DAB2IP: variants seen among roughly 807,000 people sequenced by gnomAD.
The protein encoded by DAB2IP is disabled homolog 2-interacting protein.
Under a neutral mutation model 107.2 loss-of-function variants are expected in DAB2IP, and 28 were observed. That is an observed-to-expected ratio of 0.26 (90% confidence interval 0.19 to 0.36). The LOEUF (loss-of-function observed/expected upper bound fraction) is 0.36. Among genes scored for constraint, DAB2IP ranks in the 10% least tolerant of loss-of-function variants. The pLI, the probability that DAB2IP is intolerant of heterozygous loss-of-function variation, is 1.00. For missense variants in DAB2IP, 1,400 were observed against 1,644.7 expected (o/e 0.85, Z 2.57); for synonymous variants, 755 against 706.4 (o/e 1.07, Z -1.09).
At chr9:121,745,102 A>G (rs1195929564) in intron 3 of DAB2IP, among the ~76,000 whole-genome samples, 1 of 152,072 alleles carries the variant, frequency 6.6e-6, no homozygotes, top group East Asian at 1.9e-4. Flanking sequence ...AATGTGGGGG[A>G]AAAGGGCAGA....
rs918480158 is a variant in DAB2IP at position 121,651,674 on chromosome 9, G to A, written c.-102G>A. 9.1e-7 allele frequency: 1 copy of A among 1,104,872 alleles called. No individual in the cohort carries two copies. Among genetic ancestry groups the A allele is most frequent in the Non-Finnish European group, 1.1e-6 (1 of 908,128 alleles). 68.4% of individuals were successfully genotyped at this position (1,104,872 alleles called of 1,614,324 possible). ...CCAGGGCCTCGGCGGCCGCTCGGGC[G>A]AGCGCGGGAGAACGCGTGGGCGCCC... On this transcript the variant is annotated 5_prime_UTR_variant, in exon 1 of 16. Transcript: ENST00000408936. This position sits in a 1 kb window ranked among gnomAD's most constrained non-coding sequence, Gnocchi z 5.1.
At chr9:121,614,742 T>C (rs979669139) in intron 1 of DAB2IP, among the ~76,000 whole-genome samples, 4 of 150,856 alleles carry the variant, frequency 2.7e-5, no homozygotes, top group South Asian at 2.1e-4. Context: ...TCTTTCTTTT[T>C]TTTTTTTTTG....
chr9:121,703,149 G>A (rs760632290), intron 3 of DAB2IP, among the ~76,000 whole-genome samples: 15 of 152,238 alleles, frequency 9.9e-5, no homozygotes, highest in Non-Finnish European at 2.1e-4. Flanking sequence ...GGATGTTGGG[G>A]ATGGCAGCTT....
intron 1 of DAB2IP, among the ~76,000 whole-genome samples, chr9:121,659,998 G>A (rs1053309111): frequency 6.6e-5 from 10 of 151,842 alleles, no homozygotes; most frequent in Non-Finnish European, 1.3e-4. Context: ...GCCAGCCCCC[G>A]CCCTCGGGAG....
intron 3 of DAB2IP, chr9:121,737,237 C>G: frequency 1.0e-6 from 1 of 985,344 alleles, no homozygotes; most frequent in Non-Finnish European, 1.2e-6. Context: ...TGGCTGGAAG[C>G]GATAGTTTGC....
chr9:121,588,588 AGG>A (rs148108224), intron 1 of DAB2IP, among the ~76,000 whole-genome samples: 3 of 22,728 alleles, frequency 1.3e-4, no homozygotes, highest in Admixed American at 5.7e-4. Flanking sequence ...GGGGAAGGGA[AGG>A]GGGAAGGGGG....
rs1359280544 is a variant in DAB2IP at position 121,662,313 on chromosome 9, G to GGA, written c.124+10415_124+10416dup. On this transcript the variant is annotated intron_variant, in intron 1 of 15. Coordinates refer to ENST00000408936, the Ensembl canonical transcript of DAB2IP. This position sits in a 1 kb window ranked among gnomAD's most constrained non-coding sequence, Gnocchi z 4.6. ...AATGATTCAGGTCCAGAAGGAGTCAGGACAGTGTGGTCTACTGGCCAAACC... is the reference window on the plus strand; with the variant it reads ...AATGATTCAGGTCCAGAAGGAGTCAGGAGACAGTGTGGTCTACTGGCCAAACC... 6.6e-6 allele frequency among the ~76,000 whole-genome samples: 1 copy of GGA among 152,196 alleles called. No individual in the cohort carries two copies. Among genetic ancestry groups the GGA allele is most frequent in the Non-Finnish European group, 1.5e-5 (1 of 68,042 alleles).
At chr9:121,759,658 T>C (rs1202525380) in intron 5 of DAB2IP, among the ~76,000 whole-genome samples, 2 of 152,126 alleles carry the variant, frequency 1.3e-5, no homozygotes, top group African/African-American at 2.4e-5. Context: ...AACCCAAGGC[T>C]CCAGTTAAGT....
chr9:121,726,365 C>T (rs1364123343), intron 3 of DAB2IP, among the ~76,000 whole-genome samples: 2 of 152,242 alleles, frequency 1.3e-5, no homozygotes, highest in African/African-American at 4.8e-5. Flanking sequence ...CCCTATGCAT[C>T]TTTTCATTGG....
intron 1 of DAB2IP, among the ~76,000 whole-genome samples, chr9:121,587,616 A>C (rs112387916): frequency 7.1e-6 from 1 of 140,146 alleles, no homozygotes; most frequent in Admixed American, 6.9e-5. Context: ...CTCGAAAAGA[A>C]AAAAAAAAAA....
At chr9:121,710,520 C>A (rs910320173) in intron 3 of DAB2IP, among the ~76,000 whole-genome samples, 8 of 152,162 alleles carry the variant, frequency 5.3e-5, no homozygotes, top group Non-Finnish European at 8.8e-5. Flanking sequence ...GGCTCCCACA[C>A]CTCTTTTCAC....
chr9:121,753,624 C>G (rs975654258), intron 3 of DAB2IP, among the ~76,000 whole-genome samples: 2 of 152,278 alleles, frequency 1.3e-5, no homozygotes, highest in Admixed American at 6.5e-5. Context: ...CTCCCTGAGC[C>G]TGTCATACCT....
At chr9:121,625,489 G>A (rs879284256) in intron 1 of DAB2IP, among the ~76,000 whole-genome samples, 3 of 151,774 alleles carry the variant, frequency 2.0e-5, no homozygotes, top group African/African-American at 4.8e-5. Flanking sequence ...CTCAAACTTC[G>A]GACCTCAGGT....
chr9:121,629,215 A>G (rs775897519), intron 1 of DAB2IP, among the ~76,000 whole-genome samples: 6 of 152,198 alleles, frequency 3.9e-5, no homozygotes, highest in African/African-American at 7.2e-5. Flanking sequence ...ACCTGCAAAA[A>G]GCAGTCCCTC....
exon 12 of DAB2IP, chr9:121,773,164 C>G: frequency 6.2e-7 from 1 of 1,605,888 alleles, no homozygotes; most frequent in Non-Finnish European, 8.5e-7. Flanking sequence ...AGCACTGCCG[C>G]GGAGGAGCTG....
rs935964823 is a variant in DAB2IP at position 121,783,171 on chromosome 9, C to A, written c.*673C>A. 4 of 1,098,904 alleles carry A rather than the reference C, an allele frequency of 3.6e-6. No homozygotes were observed. The African/African-American group carries it at 6.4e-5, about 18-fold the overall frequency. 68.1% of individuals were successfully genotyped at this position (1,098,904 alleles called of 1,614,324 possible). A position where few individuals can be genotyped will look rare whatever the true frequency, so the allele number is the denominator to read the frequency against. The stretch of plus-strand genomic sequence containing the variant: ...CTGTCCCCAGAGCACCACCTGCTAC[C>A]TTCTTCCCTGCCTTAGTTGTATTGC... On this transcript the variant is annotated 3_prime_UTR_variant, in exon 16 of 16. Coordinates refer to ENST00000408936, the Ensembl canonical transcript of DAB2IP.
chr9:121,712,830 C>T (rs1043776181), intron 3 of DAB2IP, among the ~76,000 whole-genome samples: 1 of 152,172 alleles, frequency 6.6e-6, no homozygotes, highest in African/African-American at 2.4e-5. Flanking sequence ...TCCAGTGAAC[C>T]AAGTCAGTCA....
chr9:121,750,002 C>T (rs914523011), intron 3 of DAB2IP, among the ~76,000 whole-genome samples: 3 of 152,020 alleles, frequency 2.0e-5, no homozygotes, highest in Non-Finnish European at 2.9e-5. Flanking sequence ...ATGAGGTGGG[C>T]GAATGGAACA....
intron 8 of DAB2IP, among the ~76,000 whole-genome samples, chr9:121,765,955 G>C (rs987387232): frequency 6.3e-4 from 95 of 151,928 alleles, no homozygotes; most frequent in African/African-American, 2.3e-3. Context: ...ATCTTTCTGA[G>C]CTTTTAGGAA....
Sources: gnomAD v4.1 joint callset for allele counts (sites outside exome capture counted in the v4.1 genomes callset) on GRCh38, gnomAD v4.1.1 for gene constraint, Gnocchi (gnomAD v3.1) non-coding constraint, MANE v1.5 for transcripts, NCBI Gene and HGNC (gene_info 2026-07-23, HGNC 2026-07-21) for gene names.